The following GPC5 variants were observed in gnomAD, a reference collection of about 807,000 sequenced individuals.
GPC5 encodes glypican-5.
GPC5 carries 47 observed loss-of-function variants against 53.9 expected under a neutral mutation model. The observed-to-expected ratio is 0.87, with a 90% CI of 0.69 to 1.11. The LOEUF (loss-of-function observed/expected upper bound fraction) is 1.11. GPC5 is among the 50% of genes most tolerant of loss of function. The pLI is 0.00. For synonymous variants in GPC5, 286 were observed against 263.3 expected (o/e 1.09, Z -0.84); for missense variants, 748 against 713.1 (o/e 1.05, Z -0.56).
chr13:91,530,380 C>A (rs1485182833), intron 2 of GPC5, among the ~76,000 whole-genome samples: 1 of 152,178 alleles, frequency 6.6e-6, no homozygotes, highest in East Asian at 1.9e-4. Flanking sequence ...CCATGACCAG[C>A]AGATGCTATA....
intron 1 of GPC5, among the ~76,000 whole-genome samples, chr13:91,433,112 A>G (rs1470064575): frequency 2.0e-5 from 3 of 152,146 alleles, no homozygotes; most frequent in Non-Finnish European, 4.4e-5. Context: ...GCAAATGTTC[A>G]GGAAAGCAAA....
intron 5 of GPC5, among the ~76,000 whole-genome samples, chr13:91,763,546 C>T (rs1218704397): frequency 6.6e-6 from 1 of 152,110 alleles, no homozygotes; most frequent in Non-Finnish European, 1.5e-5. Context: ...ATAAAAATTG[C>T]AGTTTCAGAT....
At chr13:92,217,911 CTTT>C (rs61595116) in intron 7 of GPC5, among the ~76,000 whole-genome samples, 3 of 85,202 alleles carry the variant, frequency 3.5e-5, no homozygotes, top group African/African-American at 5.0e-5. Context: ...ATTATTTCTA[CTTT>C]TTTTTTTTTT....
chr13:91,472,552 A>G (rs897616739), intron 2 of GPC5, among the ~76,000 whole-genome samples: 2 of 152,218 alleles, frequency 1.3e-5, no homozygotes, highest in African/African-American at 2.4e-5. Context: ...ATTTCCATGA[A>G]CTAAACAAAC....
intron 2 of GPC5, among the ~76,000 whole-genome samples, chr13:91,612,231 T>C (rs2033574074): frequency 6.6e-6 from 1 of 152,180 alleles, no homozygotes; most frequent in African/African-American, 2.4e-5. Flanking sequence ...ACTGTGATAA[T>C]ATGAAGAATA....
chr13:92,753,862 C>T (rs1874710782), intron 7 of GPC5, among the ~76,000 whole-genome samples: 2 of 152,206 alleles, frequency 1.3e-5, no homozygotes, highest in South Asian at 4.2e-4. Flanking sequence ...GATTGGTATA[C>T]CTGAAAGTGA....
chr13:91,398,925 C>G lies in GPC5; in HGVS notation c.-122C>G. On this transcript the variant is annotated 5_prime_UTR_variant, in exon 1 of 8. Transcript: ENST00000377067. The stretch of plus-strand genomic sequence containing the variant: ...CGGTGCCCGCGGGCGGTCCGTACAC[C>G]CCGCAGCCGGCTCGCACCGCTCGAG... 1 of 1,327,294 alleles carries G rather than the reference C, an allele frequency of 7.5e-7. No homozygotes were observed. Among genetic ancestry groups the G allele is most frequent in the Non-Finnish European group, 1.0e-6 (1 of 998,612 alleles). 82.2% of individuals were successfully genotyped at this position (1,327,294 alleles called of 1,614,324 possible). A position where few individuals can be genotyped will look rare whatever the true frequency, so the allele number is the denominator to read the frequency against.
At position 91,907,920 on chromosome 13, in the gene GPC5, C is replaced by G. The variant is rs778379420; in HGVS notation, c.1281-17C>G. The G allele has an allele frequency of 2.1e-5, 34 of 1,593,380 alleles. No individual in the cohort carries two copies. The highest frequency in any genetic ancestry group is 2.7e-5 in the Non-Finnish European group (32 of 1,177,770). ...TGATCAGGTACTAAGTCATATCTTTCACATTTCCCTTGCTAGTTATACTCA... is the reference window on the plus strand; with the variant it reads ...TGATCAGGTACTAAGTCATATCTTTGACATTTCCCTTGCTAGTTATACTCA... On this transcript the variant is annotated splice_polypyrimidine_tract_variant and intron_variant, in intron 5 of 7. Coordinates refer to ENST00000377067, the MANE Select transcript of GPC5 (RefSeq NM_004466.6).
intron 7 of GPC5, among the ~76,000 whole-genome samples, chr13:92,474,149 T>G (rs1389836827): frequency 7.6e-5 from 2 of 26,300 alleles, no homozygotes; most frequent in Non-Finnish European, 6.4e-5. Context: ...ATTGATCTGT[T>G]TTTTTTTTTT....
At chr13:91,797,962 G>T (rs182109465) in intron 5 of GPC5, among the ~76,000 whole-genome samples, 1 of 152,082 alleles carries the variant, frequency 6.6e-6, no homozygotes, top group African/African-American at 2.4e-5. Context: ...GCACATTGTT[G>T]GGCGCAGAGT....
At chr13:92,803,063 T>A (rs1459125988) in intron 7 of GPC5, among the ~76,000 whole-genome samples, 1 of 151,938 alleles carries the variant, frequency 6.6e-6, no homozygotes, top group African/African-American at 2.4e-5. Flanking sequence ...CAAATTTTAA[T>A]TACCTTAGGA....
intron 6 of GPC5, among the ~76,000 whole-genome samples, chr13:92,056,981 C>T (rs533589470): frequency 6.6e-6 from 1 of 152,286 alleles, no homozygotes; most frequent in South Asian, 2.1e-4. Context: ...CTTACTCCCT[C>T]CTGTAATTGA....
chr13:92,347,075 A>G (rs931194536), intron 7 of GPC5, among the ~76,000 whole-genome samples: 2 of 152,178 alleles, frequency 1.3e-5, no homozygotes, highest in Admixed American at 1.3e-4. Context: ...AACTTACACA[A>G]TAGAAGTTGC....
intron 7 of GPC5, among the ~76,000 whole-genome samples, chr13:92,583,657 T>C (rs183318135): frequency 7.8e-4 from 119 of 152,302 alleles, no homozygotes; most frequent in East Asian, 1.4e-3. Context: ...GAAGCACACA[T>C]GCAGTCTGAG....
At chr13:91,677,798 A>G (rs2035417585) in intron 2 of GPC5, among the ~76,000 whole-genome samples, 1 of 152,150 alleles carries the variant, frequency 6.6e-6, no homozygotes, top group Non-Finnish European at 1.5e-5. Context: ...CTTTGGAAGG[A>G]CCTTTGTTTT....
intron 2 of GPC5, among the ~76,000 whole-genome samples, chr13:91,521,909 C>G (rs1235327200): frequency 6.6e-6 from 1 of 152,178 alleles, no homozygotes; most frequent in Non-Finnish European, 1.5e-5. Flanking sequence ...CACTGCCCTA[C>G]TTGGGTTCGA....
chr13:92,632,337 A>C (rs1236619744), intron 7 of GPC5, among the ~76,000 whole-genome samples: 1 of 151,934 alleles, frequency 6.6e-6, no homozygotes, highest in Admixed American at 6.6e-5. Context: ...CATCTTCAAA[A>C]TATTTTTATT....
At chr13:91,611,464 T>G (rs919609923) in intron 2 of GPC5, among the ~76,000 whole-genome samples, 1 of 152,190 alleles carries the variant, frequency 6.6e-6, no homozygotes, top group Non-Finnish European at 1.5e-5. Flanking sequence ...TCCCTCAGAT[T>G]CGGAATCCAG....
intron 6 of GPC5, among the ~76,000 whole-genome samples, chr13:92,130,360 A>T (rs1471775521): frequency 6.6e-6 from 1 of 152,084 alleles, no homozygotes; most frequent in Middle Eastern, 3.2e-3. Flanking sequence ...AAAGTCTTAA[A>T]ATATTGGCAC....
Sources: allele counts gnomAD v4.1 joint callset (sites outside exome capture counted in the v4.1 genomes callset), GRCh38; gene constraint gnomAD v4.1.1; transcripts MANE v1.5; gene names NCBI Gene and HGNC (gene_info 2026-07-23, HGNC 2026-07-21).